Variants in RGSL1 observed in about 807,000 individuals in gnomAD.
The protein encoded by RGSL1 is regulator of G protein signaling protein-like.
RGSL1 carries 97 observed loss-of-function variants against 124.7 expected under a neutral mutation model. That is an observed-to-expected ratio of 0.78 (90% CI 0.66 to 0.92). The LOEUF is 0.92. RGSL1 is among the 40% of genes least tolerant of loss of function. The pLI, the probability that RGSL1 is intolerant of heterozygous loss-of-function variation, is 0.00. For synonymous variants in RGSL1, 424 were observed against 438.1 expected (o/e 0.97, Z 0.40); for missense variants, 1,233 against 1,288.4 (o/e 0.96, Z 0.66).
At position 182,523,839 on chromosome 1, in the gene RGSL1, A is replaced by C. The variant is rs368195992; in HGVS notation, c.1931+1730A>C. Among the ~76,000 whole-genome samples the C allele has an allele frequency of 1.6e-4, 24 of 152,350 alleles. No individual in the cohort carries two copies. In the East Asian group the frequency reaches 4.6e-3, roughly 29 times the overall value. ...AAGACAATGCAAGGCTGACCTTAAA[A>C]TGTTATGATAACATATTAGCTAATT... On this transcript the variant is annotated intron_variant, in intron 10 of 21. Coordinates refer to ENST00000294854, the MANE Select transcript of RGSL1 (RefSeq NM_001137669.2).
At chr1:182,526,127 G>T (rs2477057) in intron 10 of RGSL1, among the ~76,000 whole-genome samples, 1 of 152,108 alleles carries the variant, frequency 6.6e-6, no homozygotes, top group East Asian at 1.9e-4. Context: ...TCAGGCACAG[G>T]CAGCTTCACT....
rs180737477 is a variant in RGSL1, at chr1:182,470,124, A to G, written c.302-2272A>G. ...CAAAATTATTAATACATTTAACACC[A>G]CTAAACCGTACATTTAAAAATAGTT... On this transcript the variant is annotated intron_variant, in intron 4 of 21. Coordinates refer to ENST00000294854, the MANE Select transcript of RGSL1 (RefSeq NM_001137669.2). Among the ~76,000 whole-genome samples, 11 of 152,302 alleles carry G rather than the reference A, an allele frequency of 7.2e-5. No individual in the cohort carries two copies. In the East Asian group the frequency reaches 2.1e-3, roughly 29 times the overall value.
At chr1:182,554,740 T>C in intron 20 of RGSL1, 47 bp downstream of exon 20, 1 of 1,526,358 alleles carries the variant, frequency 6.6e-7, no homozygotes, top group Non-Finnish European at 8.9e-7. Context: ...AGCTGCTATG[T>C]CCAAGCATGC....
intron 9 of RGSL1, among the ~76,000 whole-genome samples, chr1:182,509,666 G>A (rs1169300825): frequency 7.3e-6 from 1 of 137,292 alleles, no homozygotes; most frequent in Non-Finnish European, 1.6e-5. Context: ...CCGGGCGGGG[G>A]GCTGAACCCC....
chr1:182,513,620 T>C (rs539642947), intron 9 of RGSL1, among the ~76,000 whole-genome samples: 1 of 152,322 alleles, frequency 6.6e-6, no homozygotes, highest in Non-Finnish European at 1.5e-5. Context: ...TTTGTGGACT[T>C]GCATGGTGAC....
rs149397611 is a variant in RGSL1, at chr1:182,537,739, G to A, written c.2495-2508G>A. On this transcript the variant is annotated intron_variant, in intron 14 of 21. Transcript: ENST00000294854. ...TTATGAGTTTTTCTAGTCTCTCGGT[G>A]GAAACAGGCACTATTTCTGCTTCTG... Among the ~76,000 whole-genome samples, 867 of 152,060 alleles carry A rather than the reference G, an allele frequency of 5.7e-3. 3 individuals carry two copies. The highest frequency in any genetic ancestry group is 0.02 in the African/African-American group (825 of 41,454).
intron 21 of RGSL1, among the ~76,000 whole-genome samples, chr1:182,558,781 C>A (rs769244552): frequency 6.6e-6 from 1 of 152,162 alleles, no homozygotes; most frequent in African/African-American, 2.4e-5. Flanking sequence ...TCTTCTGCCT[C>A]CCAACTCCCT....
intron 15 of RGSL1, among the ~76,000 whole-genome samples, chr1:182,544,008 T>G (rs1343646835): frequency 6.6e-6 from 1 of 152,056 alleles, no homozygotes; most frequent in Non-Finnish European, 1.5e-5. Context: ...TTATTTCTGC[T>G]CTGGTATTAT....
chr1:182,450,089 C>T (rs767705985), upstream of RGSL1: 7 of 1,520,974 alleles, frequency 4.6e-6, no homozygotes, highest in Non-Finnish European at 6.3e-6. Context: ...ATTACGTGTT[C>T]ACAATGGATA....
intron 21 of RGSL1, among the ~76,000 whole-genome samples, chr1:182,557,265 A>C (rs1660918889): frequency 6.6e-6 from 1 of 152,252 alleles, no homozygotes; most frequent in South Asian, 2.1e-4. Context: ...GCTTTAGAAC[A>C]GGACTGCAAT....
At chr1:182,544,523 G>A (rs1213731695) in intron 15 of RGSL1, among the ~76,000 whole-genome samples, 1 of 152,062 alleles carries the variant, frequency 6.6e-6, no homozygotes, top group Admixed American at 6.6e-5. Context: ...GTGGTGTGTA[G>A]TTTAACTGCA....
At position 182,460,148 on chromosome 1, in the gene RGSL1, G is replaced by A. The variant is rs1652692445; in HGVS notation, c.301+15G>A. 7.8e-6 allele frequency: 12 copies of A among 1,530,074 alleles called. No homozygotes were observed. The highest frequency in any genetic ancestry group is 2.5e-5 in the East Asian group (1 of 39,870). The allele number at this position is 1,530,074 out of a possible 1,614,324, so 94.8% of individuals were successfully genotyped here. ...CCCAGAAGGAGGTAAGCATTGGTGT[G>A]CATGCGTGTGTCTGTGTGTGTGTGT... is the stretch of plus-strand genomic sequence containing the variant. On this transcript the variant is annotated intron_variant, in intron 4 of 21. Coordinates refer to ENST00000294854, the MANE Select transcript of RGSL1 (RefSeq NM_001137669.2).
intron 11 of RGSL1, among the ~76,000 whole-genome samples, chr1:182,529,167 C>A (rs1558389246): frequency 6.6e-6 from 1 of 152,126 alleles, no homozygotes; most frequent in African/African-American, 2.4e-5. Flanking sequence ...TCACATGTAT[C>A]CTTTCATTTA....
At position 182,532,020 on chromosome 1, in the gene RGSL1, C is replaced by T. The variant is rs1034022679; in HGVS notation, c.2365-642C>T. Among the ~76,000 whole-genome samples the T allele has an allele frequency of 6.6e-5, 10 of 152,182 alleles. 1 individual carries two copies. Among genetic ancestry groups the T allele is most frequent in the East Asian group, 1.9e-4 (1 of 5,176 alleles). On this transcript the variant is annotated intron_variant, in intron 13 of 21. Transcript: ENST00000294854. ...GTACTTCACTGCTTTCTGTCTAAAG[C>T]GAGGCTTATGTTGTTTCCCTCTCTG...
chr1:182,456,260 T>A (rs947168466), intron 2 of RGSL1, among the ~76,000 whole-genome samples: 3 of 151,958 alleles, frequency 2.0e-5, no homozygotes, highest in African/African-American at 7.3e-5. Context: ...CTCTTACTAT[T>A]GTCTCTGCCA....
At chr1:182,485,456 G>A (rs777079802) in intron 6 of RGSL1, among the ~76,000 whole-genome samples, 6 of 152,322 alleles carry the variant, frequency 3.9e-5, no homozygotes, top group Non-Finnish European at 7.3e-5. Context: ...CACTCATCTT[G>A]ATCCTTGGTT....
chr1:182,501,747 T>C (rs761819455), intron 9 of RGSL1, among the ~76,000 whole-genome samples: 48 of 152,326 alleles, frequency 3.2e-4, no homozygotes, highest in Non-Finnish European at 5.7e-4. Flanking sequence ...TGATTTATTA[T>C]TAGGATCATG....
At position 182,553,527 on chromosome 1, in the gene RGSL1, G is replaced by A. The variant is rs764930788; in HGVS notation, c.3116G>A (p.Ser1039Asn). 1 of 1,551,900 alleles carries A rather than the reference G, an allele frequency of 6.4e-7. No individual in the cohort carries two copies. The highest frequency in any genetic ancestry group is 8.7e-7 in the Non-Finnish European group (1 of 1,146,994). ...EWLQPQREAI[S>N]SVQNSSSSKL... is the part of the protein sequence containing the mutation. ...TTGCAGCCTCAACGGGAAGCAATAA[G>A]TTCAGTTCAAAATTGTGAGTTGGAA... Residue 1039 changes from serine to asparagine, a missense_variant, in exon 19 of 22, where the codon AGT becomes AAT. Coordinates refer to ENST00000294854, the MANE Select transcript of RGSL1 (RefSeq NM_001137669.2).
intron 1 of RGSL1, 127 bp from the exon 2 acceptor site, chr1:182,453,831 G>A: frequency 1.6e-6 from 1 of 608,198 alleles, no homozygotes; most frequent in South Asian, 2.0e-5. Context: ...TGAATTGCAT[G>A]ACCCTAGAGG....
Sources: gnomAD v4.1 joint callset for allele counts (sites outside exome capture counted in the v4.1 genomes callset) on GRCh38, gnomAD v4.1.1 for gene constraint, MANE v1.5 for transcripts, NCBI Gene and HGNC (gene_info 2026-07-23, HGNC 2026-07-21) for gene names.